The following NUBPL variants were observed in gnomAD, a reference collection of about 807,000 sequenced individuals.
The protein encoded by NUBPL is NUBP iron-sulfur cluster assembly factor, mitochondrial.
NUBPL carries 31 observed loss-of-function variants against 45.7 expected under a neutral mutation model. That is an observed-to-expected ratio of 0.68 (90% CI 0.51 to 0.92). The LOEUF (loss-of-function observed/expected upper bound fraction) is 0.92. Among genes scored for constraint, NUBPL ranks in the 40% least tolerant of loss-of-function variants. The probability of loss-of-function intolerance (pLI) is 0.00; values close to 1 mark genes in which losing one functional copy is unlikely to be tolerated. For missense variants in NUBPL, 401 were observed against 398.7 expected (o/e 1.01, Z -0.05); for synonymous variants, 144 against 140.9 (o/e 1.02, Z -0.15).
At chr14:31,747,055 G>A (rs1387381768) in intron 6 of NUBPL, among the ~76,000 whole-genome samples, 11 of 127,056 alleles carry the variant, frequency 8.7e-5, no homozygotes, top group African/African-American at 3.3e-4. Flanking sequence ...GGGTGATACA[G>A]AGAGAGAACC....
chr14:31,809,169 T>G (rs2039750841), intron 7 of NUBPL, among the ~76,000 whole-genome samples: 1 of 152,234 alleles, frequency 6.6e-6, no homozygotes, highest in Non-Finnish European at 1.5e-5. Context: ...TTTCTTCTGA[T>G]GGGAATAGTT....
chr14:31,640,454 G>T (rs995778329), intron 4 of NUBPL, among the ~76,000 whole-genome samples: 7 of 151,264 alleles, frequency 4.6e-5, no homozygotes, highest in African/African-American at 1.7e-4. Context: ...ACAAAAATTA[G>T]TAAAAATACA....
rs564265895 is a variant in NUBPL, at chr14:31,728,153, T to C, written c.513+54579T>C. ...AATTGAAGCTAGTTTTTTTTACTACTTTTTATCACTACATTAAAAACATTC... is the reference window on the plus strand; with the variant it reads ...AATTGAAGCTAGTTTTTTTTACTACCTTTTATCACTACATTAAAAACATTC... On this transcript the variant is annotated intron_variant, in intron 6 of 10. Transcript: ENST00000281081. 3.9e-5 allele frequency among the ~76,000 whole-genome samples: 6 copies of C among 152,212 alleles called. No homozygotes were observed. In the East Asian group the frequency reaches 1.2e-3, roughly 29 times the overall value.
intron 6 of NUBPL, among the ~76,000 whole-genome samples, chr14:31,701,287 G>C (rs1308196189): frequency 2.0e-5 from 3 of 152,152 alleles, no homozygotes; most frequent in African/African-American, 7.2e-5. Flanking sequence ...TTTATGTCTA[G>C]CTAGAGAATT....
At chr14:31,852,879 A>C (rs981734445) in intron 10 of NUBPL, among the ~76,000 whole-genome samples, 2 of 152,152 alleles carry the variant, frequency 1.3e-5, no homozygotes, top group Middle Eastern at 3.2e-3. Context: ...ATGTGCTCTT[A>C]GAAACTAGTC....
At position 31,831,881 on chromosome 14, in the gene NUBPL, TAG is replaced by T. The variant is rs558713348; in HGVS notation, c.693+5171_693+5172del. 2.7e-3 allele frequency among the ~76,000 whole-genome samples: 415 copies of T among 152,272 alleles called. 2 individuals are homozygous for T. Among genetic ancestry groups the T allele is most frequent in the African/African-American group, 9.4e-3 (390 of 41,558 alleles). On this transcript the variant is annotated intron_variant, in intron 8 of 10. Coordinates refer to ENST00000281081, the MANE Select transcript of NUBPL (RefSeq NM_025152.3). ...AGAGCTTTACAAAGTTTTAATCTGA[TAG>T]AGATGAATAAAAAGAATAGGAGCCA... is the stretch of plus-strand genomic sequence containing the variant.
chr14:31,629,094 C>A (rs2035279288), intron 4 of NUBPL, among the ~76,000 whole-genome samples: 1 of 152,172 alleles, frequency 6.6e-6, no homozygotes, highest in Non-Finnish European at 1.5e-5. Flanking sequence ...AATAGTTTTA[C>A]CCTCTTGGAT....
chr14:31,660,740 T>C (rs540361626), intron 4 of NUBPL, among the ~76,000 whole-genome samples: 11 of 152,194 alleles, frequency 7.2e-5, no homozygotes, highest in Non-Finnish European at 1.5e-4. Context: ...TCCTGAACCA[T>C]GGTGTTCAGC....
At chr14:31,585,305 G>C (rs10135539) in intron 3 of NUBPL, among the ~76,000 whole-genome samples, 105,830 of 152,160 alleles carry the variant, frequency 0.7, 37,470 homozygotes, top group African/African-American at 0.83. Flanking sequence ...GGGCCACATT[G>C]AAAGCTGTTT....
In NUBPL at chr14:31,826,648, GC is replaced by G; in HGVS notation, c.631del (p.Gln211ArgfsTer5). 6.2e-7 allele frequency: 1 copy of G among 1,614,048 alleles called. No individual in the cohort carries two copies. Among genetic ancestry groups the G allele is most frequent in the South Asian group, 1.1e-5 (1 of 91,080 alleles). On this transcript the variant is annotated frameshift_variant, in exon 8 of 11. Coordinates refer to ENST00000281081, the MANE Select transcript of NUBPL (RefSeq NM_025152.3). LOFTEE classifies it high-confidence loss of function. The stretch of plus-strand genomic sequence containing the variant: ...GGCTAGGTGCTGTGATTGTCTCCAC[GC>G]CCCAGGACATCGCATTGATGGATGC... Reference protein sequence around the residue: ...PITGAVIVSTPQDIALMDAHK... With the variant: ...PITGAVIVSTXQDIALMDAHK...
At chr14:31,805,571 A>G (rs1236676592) in intron 7 of NUBPL, among the ~76,000 whole-genome samples, 1 of 152,226 alleles carries the variant, frequency 6.6e-6, no homozygotes, top group Non-Finnish European at 1.5e-5. Flanking sequence ...CACACCATGG[A>G]ATACTGTGCA....
chr14:31,765,548 G>A (rs2038896635), intron 6 of NUBPL, among the ~76,000 whole-genome samples: 1 of 151,990 alleles, frequency 6.6e-6, no homozygotes, highest in South Asian at 2.1e-4. Context: ...ATGGCCACCT[G>A]TCCACATCCC....
intron 7 of NUBPL, among the ~76,000 whole-genome samples, chr14:31,804,154 C>T (rs914976161): frequency 6.6e-6 from 1 of 152,110 alleles, no homozygotes; most frequent in African/African-American, 2.4e-5. Flanking sequence ...TTTCTGCCCT[C>T]TATGAGTTTG....
chr14:31,685,711 C>A (rs1343461808), intron 6 of NUBPL, among the ~76,000 whole-genome samples: 2 of 152,140 alleles, frequency 1.3e-5, no homozygotes, highest in East Asian at 3.9e-4. Context: ...AAAAAAAGGG[C>A]AGATAAAGTA....
At chr14:31,603,299 G>GAA (rs529470069) in intron 4 of NUBPL, among the ~76,000 whole-genome samples, 12 of 57,054 alleles carry the variant, frequency 2.1e-4, no homozygotes, top group African/African-American at 5.6e-4. Flanking sequence ...GATCCTGTCT[G>GAA]AAAAAAAAAA....
chr14:31,670,731 C>G (rs1374198931), intron 4 of NUBPL, among the ~76,000 whole-genome samples: 1 of 152,174 alleles, frequency 6.6e-6, no homozygotes, highest in African/African-American at 2.4e-5. Flanking sequence ...AATAGAGAAT[C>G]CTTTCCCCAT....
intron 7 of NUBPL, among the ~76,000 whole-genome samples, chr14:31,793,342 A>G (rs2039417361): frequency 6.6e-6 from 1 of 152,112 alleles, no homozygotes; most frequent in Non-Finnish European, 1.5e-5. Flanking sequence ...ATCCTGTGTA[A>G]TCTTTAAAAG....
chr14:31,568,015 T>C lies in NUBPL; in HGVS notation c.291+2967T>C, dbSNP rs1014401874. Reference sequence around the variant, plus strand: ...GGTTTTATTTAGTTTTAGACTATTTTGTTTCCTTGTCATTTCAATGGAATT... The same window carrying C: ...GGTTTTATTTAGTTTTAGACTATTTCGTTTCCTTGTCATTTCAATGGAATT... On this transcript the variant is annotated intron_variant, in intron 3 of 10. Coordinates refer to ENST00000281081, the MANE Select transcript of NUBPL (RefSeq NM_025152.3). Among the ~76,000 whole-genome samples the C allele has an allele frequency of 6.6e-4, 101 of 152,370 alleles. 1 individual carries two copies. Among genetic ancestry groups the C allele is most frequent in the Non-Finnish European group, 1.5e-4 (10 of 68,032 alleles).
intron 4 of NUBPL, among the ~76,000 whole-genome samples, chr14:31,625,658 T>C (rs1367819812): frequency 1.3e-5 from 2 of 151,986 alleles, no homozygotes; most frequent in Admixed American, 6.6e-5. Context: ...GTATTTTTAG[T>C]AGAGACAGGG....
Sources: allele counts gnomAD v4.1 joint callset (sites outside exome capture counted in the v4.1 genomes callset), GRCh38; gene constraint gnomAD v4.1.1; transcripts MANE v1.5; gene names NCBI Gene and HGNC (gene_info 2026-07-23, HGNC 2026-07-21).